Variants in DNAH6 observed in about 807,000 individuals in gnomAD.
DNAH6 encodes the protein dynein axonemal heavy chain 6, also known as axonemal beta dynein heavy chain 6.
DNAH6 carries 340 observed loss-of-function variants against 491.4 expected under a neutral mutation model. The observed-to-expected ratio is 0.69, with a 90% CI of 0.63 to 0.76. The LOEUF is 0.76. DNAH6 is among the 30% of genes least tolerant of loss of function. The pLI, the probability that DNAH6 is intolerant of heterozygous loss-of-function variation, is 0.00. For synonymous variants in DNAH6, 1,603 were observed against 1,686.1 expected (o/e 0.95, Z 1.21); for missense variants, 4,443 against 4,972.2 (o/e 0.89, Z 3.20).
chr2:84,814,642 C>T (rs1680315991), intron 75 of DNAH6, among the ~76,000 whole-genome samples: 2 of 152,186 alleles, frequency 1.3e-5, no homozygotes, highest in South Asian at 4.1e-4. Context: ...GACCAGCCTG[C>T]CCTGGTCCAT....
Position 84,707,569 on chromosome 2 carries a change from G to A in DNAH6, c.8901G>A (p.Leu2967=). 6.4e-7 allele frequency: 1 copy of A among 1,552,040 alleles called. No individual in the cohort carries two copies. The highest frequency in any genetic ancestry group is 8.7e-7 in the Non-Finnish European group (1 of 1,147,060). The change falls in exon 54 of 77, where the codon CTG becomes CTA. Residue 2967 remains leucine (L), a synonymous_variant. Coordinates refer to ENST00000389394, the MANE Select transcript of DNAH6 (RefSeq NM_001370.2). ...TKARLVRAGK[L]TAALEDEQVR... ...CACGTCTAGTACGTGCTGGAAAGCT[G>A]ACAGCAGCATTAGAAGATGAGCAGG...
chr2:84,714,299 C>A (rs968200267), intron 57 of DNAH6, among the ~76,000 whole-genome samples: 2 of 152,220 alleles, frequency 1.3e-5, no homozygotes, highest in African/African-American at 4.8e-5. Context: ...AATTGACACA[C>A]TTCTTGAATA....
At chr2:84,689,243 G>C (rs1051935095) in intron 45 of DNAH6, among the ~76,000 whole-genome samples, 2 of 152,180 alleles carry the variant, frequency 1.3e-5, no homozygotes, top group African/African-American at 4.8e-5. Context: ...CCATGATATG[G>C]AGCATCTCAT....
At chr2:84,572,396 C>T (rs1256414016) in intron 11 of DNAH6, among the ~76,000 whole-genome samples, 4 of 152,082 alleles carry the variant, frequency 2.6e-5, no homozygotes, top group Non-Finnish European at 4.4e-5. Flanking sequence ...TTTTGAACAT[C>T]GGTGGGGCTT....
chr2:84,531,058 A>G (rs1228485910), intron 4 of DNAH6, among the ~76,000 whole-genome samples: 1 of 152,144 alleles, frequency 6.6e-6, no homozygotes, highest in African/African-American at 2.4e-5. Flanking sequence ...TGTAAGATGT[A>G]CATGGGTTCA....
chr2:84,707,433 T>G (rs189140566), intron 53 of DNAH6, 87 bp from the exon 54 acceptor site: 20 of 1,196,918 alleles, frequency 1.7e-5, no homozygotes, highest in East Asian at 1.3e-4. Context: ...AATGCTATTC[T>G]GCTATAAAAA....
chr2:84,784,715 TAAGCAGATAGTGCTATC>T lies in DNAH6; in HGVS notation c.10865-3_10878del. ...CTTTTTTGTTGTTTTATCTTTGTTT[TAAGCAGATAGTGCTATC>T]AAGGACACTTTTCGACTTTTTTTAA... On this transcript the variant is annotated splice_acceptor_variant and splice_polypyrimidine_tract_variant and coding_sequence_variant and intron_variant, in exon 66 of 77. Coordinates refer to ENST00000389394, the MANE Select transcript of DNAH6 (RefSeq NM_001370.2). LOFTEE classifies it high-confidence loss of function. 1 of 1,534,906 alleles carries T rather than the reference TAAGCAGATAGTGCTATC, an allele frequency of 6.5e-7. No homozygotes were observed. The highest frequency in any genetic ancestry group is 8.8e-7 in the Non-Finnish European group (1 of 1,132,642).
At position 84,517,963 on chromosome 2, in the gene DNAH6, C is replaced by A; in HGVS notation, c.137C>A (p.Ser46Tyr). The A allele has an allele frequency of 6.4e-7, 1 of 1,551,910 alleles. No individual in the cohort carries two copies. The highest frequency in any genetic ancestry group is 8.7e-7 in the Non-Finnish European group (1 of 1,147,022). The change falls in exon 2 of 77, where the codon TCT becomes TAT. Residue 46 changes from serine (S) to tyrosine (Y), a missense_variant. Physicochemically the swap from Ser to Tyr is moderately radical, Grantham distance 144. This residue lies in a region of DNAH6 where 2,977 missense variants were observed against 3,296.6 expected (regional missense o/e 0.90). Coordinates refer to ENST00000389394, the MANE Select transcript of DNAH6 (RefSeq NM_001370.2). ...VSYVTSTENE[S>Y]DTQILTFRHI... is the part of the protein sequence containing the mutation. ...TATGTGACATCCACAGAAAATGAAT[C>A]TGATACACAAATCCTAACGTTTAGG...
At position 84,525,410 on chromosome 2, in the gene DNAH6, A is replaced by G. The variant is rs763548671; in HGVS notation, c.226-155A>G. Among the ~76,000 whole-genome samples, 15 of 152,168 alleles carry G rather than the reference A, an allele frequency of 9.9e-5. 1 individual carries two copies. The highest frequency in any genetic ancestry group is 1.6e-4 in the Non-Finnish European group (11 of 68,024). On this transcript the variant is annotated intron_variant, in intron 2 of 76. Transcript: ENST00000389394. ...CTCAAGCAATAGGCCAGGGACAGGC[A>G]ATGGTGGTAGTTAACTATTAGGACT...
intron 70 of DNAH6, among the ~76,000 whole-genome samples, chr2:84,798,107 A>G (rs1678516566): frequency 6.6e-6 from 1 of 152,258 alleles, no homozygotes; most frequent in Non-Finnish European, 1.5e-5. Flanking sequence ...AACATGGTTT[A>G]TTAAAAGCAT....
chr2:84,499,129 G>T, the DNAH6 span, among the ~76,000 whole-genome samples: 2 of 151,908 alleles, frequency 1.3e-5, no homozygotes, highest in African/African-American at 4.8e-5. Flanking sequence ...TCAAATAGTG[G>T]GTCTTATTCA....
At chr2:84,530,781 G>A (rs1290918234) in intron 4 of DNAH6, among the ~76,000 whole-genome samples, 3 of 152,162 alleles carry the variant, frequency 2.0e-5, no homozygotes, top group African/African-American at 2.4e-5. Context: ...TGTCTTTACA[G>A]ACATTGTGTA....
chr2:84,816,936 T>G (rs1201360234), intron 76 of DNAH6, among the ~76,000 whole-genome samples: 2 of 152,172 alleles, frequency 1.3e-5, no homozygotes, highest in African/African-American at 4.8e-5. Flanking sequence ...GAAGTGACCC[T>G]GTGGAAGGAG....
chr2:84,734,028 C>T lies in DNAH6; in HGVS notation c.10342+449C>T, dbSNP rs949125684. 7.9e-5 allele frequency among the ~76,000 whole-genome samples: 12 copies of T among 152,110 alleles called. 1 individual carries two copies. Among genetic ancestry groups the T allele is most frequent in the Admixed American group, 5.9e-4 (9 of 15,266 alleles). ...GAACAGTACCAGCATCCCAGAATCC[C>T]CTTATTCTCTCTCGCTTCTCTCTTC... On this transcript the variant is annotated intron_variant, in intron 62 of 76. Transcript: ENST00000389394.
intron 42 of DNAH6, among the ~76,000 whole-genome samples, chr2:84,684,386 G>A (rs1007121318): frequency 3.3e-5 from 5 of 151,936 alleles, no homozygotes; most frequent in Non-Finnish European, 5.9e-5. Context: ...CTGAAATGAC[G>A]CATCATAAAA....
intron 8 of DNAH6, among the ~76,000 whole-genome samples, chr2:84,548,821 C>T (rs1230578055): frequency 1.3e-5 from 2 of 152,234 alleles, no homozygotes; most frequent in African/African-American, 4.8e-5. Flanking sequence ...TCTTTGATCT[C>T]TCTGGCTTTG....
intron 45 of DNAH6, 66 bp from the exon 46 acceptor site, chr2:84,694,183 G>C: frequency 7.1e-7 from 1 of 1,409,366 alleles, no homozygotes; most frequent in Non-Finnish European, 9.8e-7. Flanking sequence ...TGGCTCTGGG[G>C]CAGGCTCTCT....
intron 29 of DNAH6, among the ~76,000 whole-genome samples, chr2:84,632,019 A>G (rs796785671): frequency 2.0e-5 from 3 of 152,232 alleles, no homozygotes; most frequent in African/African-American, 7.2e-5. Context: ...GGTAAACCCA[A>G]TTGCGTCTGA....
intron 22 of DNAH6, among the ~76,000 whole-genome samples, chr2:84,613,216 GA>G (rs1686505242): frequency 6.6e-6 from 1 of 151,892 alleles, no homozygotes; most frequent in Non-Finnish European, 1.5e-5. Flanking sequence ...AAACCTGCAG[GA>G]ATGAGGGAAT....
Sources: allele counts gnomAD v4.1 joint callset (sites outside exome capture counted in the v4.1 genomes callset), GRCh38; gene constraint gnomAD v4.1.1; regional missense constraint gnomAD v4.1.1; transcripts MANE v1.5; gene names NCBI Gene and HGNC (gene_info 2026-07-23, HGNC 2026-07-21).